Variants in IL15 observed in about 807,000 individuals in gnomAD.
IL15 encodes interleukin 15.
In IL15, 11 loss-of-function variants were observed where a neutral mutation model predicts 19.6. The ratio of observed to expected loss-of-function variants is 0.56; its 90% confidence interval spans 0.35 to 0.93. IL15 has a LOEUF of 0.93. Among genes scored for constraint, IL15 ranks in the 40% least tolerant of loss-of-function variants. IL15 has a pLI of 0.01. For missense variants in IL15, 197 were observed against 186.5 expected (o/e 1.06, Z -0.33); for synonymous variants, 58 against 59.6 (o/e 0.97, Z 0.12).
chr4:141,703,527 C>G (rs1729399861), intron 2 of IL15, among the ~76,000 whole-genome samples: 1 of 152,060 alleles, frequency 6.6e-6, no homozygotes, highest in South Asian at 2.1e-4. Flanking sequence ...AGCATTAAGG[C>G]CTTCTCCTGT....
At chr4:141,721,559 C>T in intron 4 of IL15, 1 of 524,526 alleles carries the variant, frequency 1.9e-6, no homozygotes, top group Non-Finnish European at 3.6e-6. Context: ...TTCAAAGTCT[C>T]TGTAAATCTC....
At chr4:141,721,240 G>A (rs1432477367) in intron 4 of IL15, 1 of 739,226 alleles carries the variant, frequency 1.4e-6, no homozygotes, top group Non-Finnish European at 2.4e-6. Flanking sequence ...GATCCATCAG[G>A]AAGTGAGTGA....
At chr4:141,709,058 C>G (rs1729621568) in intron 2 of IL15, among the ~76,000 whole-genome samples, 2 of 114,974 alleles carry the variant, frequency 1.7e-5, no homozygotes, top group South Asian at 5.6e-4. Context: ...TGAAAATTTT[C>G]AATATTATTC....
At chr4:141,698,893 C>T (rs1184928539) in intron 2 of IL15, among the ~76,000 whole-genome samples, 2 of 151,302 alleles carry the variant, frequency 1.3e-5, no homozygotes, top group African/African-American at 4.9e-5. Flanking sequence ...TTGTTCCTGT[C>T]TCTTAAGTTC....
chr4:141,717,469 CAT>C (rs1211287162), intron 2 of IL15: 1 of 152,230 alleles, frequency 6.6e-6, no homozygotes, highest in Admixed American at 6.5e-5. Context: ...CTCTCTGTCT[CAT>C]GTGCTTGCTT....
At chr4:141,698,028 TC>T (rs2152180410) in intron 2 of IL15, among the ~76,000 whole-genome samples, 1 of 152,264 alleles carries the variant, frequency 6.6e-6, no homozygotes, top group South Asian at 2.1e-4. Flanking sequence ...CCTATTTTGT[TC>T]AGGGTTTTAA....
At chr4:141,705,789 C>T (rs1163045577) in intron 2 of IL15, among the ~76,000 whole-genome samples, 1 of 149,996 alleles carries the variant, frequency 6.7e-6, no homozygotes, top group Admixed American at 6.6e-5. Context: ...ATAATTGTTA[C>T]ATCCTCTTAT....
At chr4:141,708,708 G>A (rs938969410) in intron 2 of IL15, among the ~76,000 whole-genome samples, 2 of 152,032 alleles carry the variant, frequency 1.3e-5, no homozygotes, top group Admixed American at 6.5e-5. Flanking sequence ...TGCTATTCTC[G>A]CCTTCTGTGC....
chr4:141,679,594 T>G lies in IL15; in HGVS notation c.-100+23287T>G, dbSNP rs545160931. On this transcript the variant is annotated intron_variant, in intron 2 of 7. Transcript: ENST00000320650. ...ATCTTTTATTTTGAATGCTATTTTG[T>G]CATAATTCATGCATGATTGTGCTTA... is the stretch of plus-strand genomic sequence containing the variant. 2.6e-5 allele frequency among the ~76,000 whole-genome samples: 4 copies of G among 152,362 alleles called. No homozygotes were observed. In the South Asian group the frequency reaches 8.3e-4, roughly 32 times the overall value.
intron 1 of IL15, among the ~76,000 whole-genome samples, chr4:141,647,759 C>T (rs957092104): frequency 1.3e-5 from 2 of 152,090 alleles, no homozygotes; most frequent in African/African-American, 4.8e-5. Flanking sequence ...TAAAGACTCA[C>T]TTTCTCTGTG....
At chr4:141,659,177 C>T (rs1259679807) in intron 2 of IL15, among the ~76,000 whole-genome samples, 1 of 149,030 alleles carries the variant, frequency 6.7e-6, no homozygotes, top group Admixed American at 6.8e-5. Context: ...TTAAGAATTC[C>T]CCAAACTCAA....
intron 4 of IL15, 100 bp from the exon 5 acceptor site, chr4:141,721,824 A>T: frequency 4.8e-6 from 5 of 1,035,772 alleles, no homozygotes; most frequent in Non-Finnish European, 7.1e-6. Context: ...TGATTTTTTC[A>T]CTGGTCAGAA....
chr4:141,717,450 C>T (rs145297777), intron 2 of IL15: 27 of 152,124 alleles, frequency 1.8e-4, no homozygotes, highest in African/African-American at 5.3e-4. Flanking sequence ...GTGATTTTGG[C>T]TCAGTTTCCT....
At chr4:141,662,383 C>T (rs1178039741) in intron 2 of IL15, among the ~76,000 whole-genome samples, 2 of 152,188 alleles carry the variant, frequency 1.3e-5, no homozygotes, top group East Asian at 3.8e-4. Flanking sequence ...AATGTGAGAC[C>T]TTCCTGGTAG....
At chr4:141,686,735 C>T (rs909162720) in intron 2 of IL15, among the ~76,000 whole-genome samples, 1 of 152,106 alleles carries the variant, frequency 6.6e-6, no homozygotes, top group Non-Finnish European at 1.5e-5. Flanking sequence ...TCAAAATTAG[C>T]TAATTAGAAC....
At chr4:141,701,913 C>T (rs1729334352) in intron 2 of IL15, among the ~76,000 whole-genome samples, 1 of 152,182 alleles carries the variant, frequency 6.6e-6, no homozygotes, top group Non-Finnish European at 1.5e-5. Flanking sequence ...GTGACCTTGC[C>T]TCTTATGCAG....
chr4:141,700,061 A>G (rs2152181265), intron 2 of IL15, among the ~76,000 whole-genome samples: 1 of 151,854 alleles, frequency 6.6e-6, no homozygotes, highest in East Asian at 1.9e-4. Flanking sequence ...TGGGATTACA[A>G]GCACCCACCA....
At chr4:141,684,355 T>G (rs1316876503) in intron 2 of IL15, among the ~76,000 whole-genome samples, 1 of 152,082 alleles carries the variant, frequency 6.6e-6, no homozygotes, top group Non-Finnish European at 1.5e-5. Flanking sequence ...CTAGCTGATG[T>G]TAAAAAGTGA....
intron 7 of IL15, among the ~76,000 whole-genome samples, chr4:141,732,336 C>T (rs1181200901): frequency 6.6e-6 from 1 of 152,128 alleles, no homozygotes; most frequent in Non-Finnish European, 1.5e-5. Context: ...CAGATGCTCA[C>T]TCAGTGTTTC....
Sources: allele counts gnomAD v4.1 joint callset (sites outside exome capture counted in the v4.1 genomes callset), GRCh38; gene constraint gnomAD v4.1.1; transcripts MANE v1.5; gene names NCBI Gene and HGNC (gene_info 2026-07-23, HGNC 2026-07-21).